SLCO1C1: variants seen among roughly 807,000 people sequenced by gnomAD.
SLCO1C1 encodes solute carrier organic anion transporter family member 1C1.
In SLCO1C1, 70 loss-of-function variants were observed where a neutral mutation model predicts 76.4. The ratio of observed to expected loss-of-function variants is 0.92; its 90% CI spans 0.76 to 1.12. The LOEUF is 1.12. Among genes scored for constraint, SLCO1C1 ranks in the 50% most tolerant of loss-of-function variants. SLCO1C1 has a pLI of 0.00. For synonymous variants in SLCO1C1, 306 were observed against 286.1 expected, an observed-to-expected ratio of 1.07 and a Z score of -0.70; for missense variants, 912 against 823.8, an observed-to-expected ratio of 1.11 and a Z score of -1.31.
chr12:20,747,428 C>CA (rs200437209), intron 13 of SLCO1C1, among the ~76,000 whole-genome samples: 1,378 of 113,522 alleles, frequency 0.012, 27 homozygotes, highest in African/African-American at 0.033. Context: ...GACTCTGTCT[C>CA]AAAAAAAAAT....
intron 5 of SLCO1C1, among the ~76,000 whole-genome samples, chr12:20,714,095 C>T (rs12818243): frequency 0.089 from 13,597 of 152,224 alleles, 796 homozygotes; most frequent in Non-Finnish European, 0.13. Flanking sequence ...ATAGAATCCA[C>T]GTGAGTGCAA....
chr12:20,734,834 T>A (rs1049589624), intron 10 of SLCO1C1, among the ~76,000 whole-genome samples: 1 of 152,218 alleles, frequency 6.6e-6, no homozygotes, highest in African/African-American at 2.4e-5. Context: ...ATTGCAGTAA[T>A]GCTACTGTTG....
intron 4 of SLCO1C1, among the ~76,000 whole-genome samples, chr12:20,706,475 G>A (rs897495779): frequency 6.6e-6 from 1 of 152,088 alleles, no homozygotes; most frequent in East Asian, 1.9e-4. Context: ...AATTAACTCA[G>A]GGATATATTA....
chr12:20,699,468 G>T, intron 1 of SLCO1C1, 84 bp from the exon 2 acceptor site: 1 of 1,119,170 alleles, frequency 8.9e-7, no homozygotes. Flanking sequence ...TGCGTCTATA[G>T]AATTGTGGTA....
intron 6 of SLCO1C1, among the ~76,000 whole-genome samples, chr12:20,716,588 A>C (rs1288465596): frequency 2.0e-5 from 3 of 152,210 alleles, no homozygotes; most frequent in Non-Finnish European, 2.9e-5. Flanking sequence ...CTGAATGGTC[A>C]AGAGGGTTCC....
At chr12:20,711,769 T>C (rs1188567712) in intron 5 of SLCO1C1, among the ~76,000 whole-genome samples, 2 of 152,178 alleles carry the variant, frequency 1.3e-5, no homozygotes, top group African/African-American at 4.8e-5. Flanking sequence ...AGCTTCTGAA[T>C]AAGTGGGTTT....
At chr12:20,716,949 CCAAAG>C (rs1947389801) in intron 6 of SLCO1C1, among the ~76,000 whole-genome samples, 178 bp from the exon 7 acceptor site, 1 of 151,908 alleles carries the variant, frequency 6.6e-6, no homozygotes, top group South Asian at 2.1e-4. Context: ...CATTTTTCTC[CCAAAG>C]CAGTGAAGGA....
At position 20,721,853 on chromosome 12, in the gene SLCO1C1, G is replaced by A; in HGVS notation, c.825G>A (p.Trp275Ter). The A allele has an allele frequency of 6.2e-7, 1 of 1,614,158 alleles. No individual in the cohort carries two copies. The highest frequency in any genetic ancestry group is 8.5e-7 in the Non-Finnish European group (1 of 1,180,014). The change falls in exon 8 of 15, where the codon TGG (tryptophan) becomes TGA (stop). Residue 275 changes from tryptophan to a stop codon, truncating the protein, a stop_gained. Transcript: ENST00000266509. LOFTEE classifies it high-confidence loss of function. ...PKDPQWVGAW[W>*]LGYLIAGIIS... The stretch of plus-strand genomic sequence containing the variant: ...ATCCCCAGTGGGTAGGAGCCTGGTG[G>A]CTTGGCTATCTAATAGCAGGAATCA...
intron 9 of SLCO1C1, among the ~76,000 whole-genome samples, chr12:20,724,765 G>A (rs111457386): frequency 1.9e-4 from 28 of 147,040 alleles, no homozygotes; most frequent in African/African-American, 6.7e-4. Context: ...ATAAACCACA[G>A]TTTATTCATT....
intron 9 of SLCO1C1, among the ~76,000 whole-genome samples, 176 bp from the exon 10 acceptor site, chr12:20,732,733 G>A (rs966185166): frequency 6.6e-6 from 1 of 151,998 alleles, no homozygotes. Context: ...CTGTGCAGTT[G>A]TACCACCATT....
At position 20,695,787 on chromosome 12, in the gene SLCO1C1, A is replaced by G. The variant is rs1946239831; in HGVS notation, c.-46A>G. On this transcript the variant is annotated 5_prime_UTR_variant, in exon 1 of 15. Coordinates refer to ENST00000266509, the MANE Select transcript of SLCO1C1 (RefSeq NM_017435.5). ...CTGAGCACATTGAAAGGAACTGGCT[A>G]TCTTTGATCTCTTCCTCCAGGTAAG... 6.6e-6 allele frequency: 1 copy of G among 152,112 alleles called. No individual in the cohort carries two copies. Among genetic ancestry groups the G allele is most frequent in the Non-Finnish European group, 1.5e-5 (1 of 68,014 alleles). The allele number at this position is 152,112 out of a possible 1,614,324, so 9.4% of individuals were successfully genotyped here. A position where few individuals can be genotyped will look rare whatever the true frequency, so the allele number is the denominator to read the frequency against.
chr12:20,699,794 T>C lies in SLCO1C1; in HGVS notation c.129+89T>C, dbSNP rs972241521. On this transcript the variant is annotated intron_variant, in intron 2 of 14. Transcript: ENST00000266509. ...TAATGAAGTTAGAATGAGAATTGTT[T>C]TCTCCTTTAAAAAAAAAAAAAGATC... 1.8e-5 allele frequency: 25 copies of C among 1,368,760 alleles called. No homozygotes were observed. In the African/African-American group the frequency reaches 3.7e-4, roughly 20 times the overall value. 84.8% of individuals were successfully genotyped at this position (1,368,760 alleles called of 1,614,324 possible). A position where few individuals can be genotyped will look rare whatever the true frequency, so the allele number is the denominator to read the frequency against.
rs1948584862 is a variant in SLCO1C1 at position 20,737,124 on chromosome 12, A to G, written c.1400A>G (p.Tyr467Cys). Reference sequence around the variant, plus strand: ...CTTTTCAGAACCAAACCTGTCTCTTATCATGAACGAGCTCTCTTTTCAGAT... The same window carrying G: ...CTTTTCAGAACCAAACCTGTCTCTTGTCATGAACGAGCTCTCTTTTCAGAT... Reference protein sequence around the residue: ...VSYQGTKPVSYHERALFSDCN... With the variant: ...VSYQGTKPVSCHERALFSDCN... The change falls in exon 11 of 15, where the codon TAT (tyrosine) becomes TGT (cysteine). Residue 467 changes from tyrosine (Y) to cysteine (C), a missense_variant. Tyr to Cys is a radical substitution (Grantham distance 194). Transcript: ENST00000266509. 6.5e-7 allele frequency: 1 copy of G among 1,533,490 alleles called. No homozygotes were observed. The highest frequency in any genetic ancestry group is 1.4e-5 in the African/African-American group (1 of 69,720). The allele number at this position is 1,533,490 out of a possible 1,614,324, so 95.0% of individuals were successfully genotyped here.
chr12:20,724,553 T>C (rs183702942), intron 9 of SLCO1C1, among the ~76,000 whole-genome samples: 245 of 147,526 alleles, frequency 1.7e-3, no homozygotes, highest in African/African-American at 5.9e-3. Context: ...TCAAAACTTT[T>C]CCCCAAAGCT....
At chr12:20,709,165 T>C (rs1019873117) in intron 4 of SLCO1C1, among the ~76,000 whole-genome samples, 1 of 152,206 alleles carries the variant, frequency 6.6e-6, no homozygotes. Flanking sequence ...TTAAAACCCC[T>C]AATATAAAAG....
chr12:20,737,363 T>C, intron 11 of SLCO1C1, 91 bp downstream of exon 11: 1 of 1,336,494 alleles, frequency 7.5e-7, no homozygotes. Context: ...CCACTACTAG[T>C]AGGAGGCTTG....
At chr12:20,715,780 A>C (rs888378437) in intron 6 of SLCO1C1, among the ~76,000 whole-genome samples, 3 of 152,214 alleles carry the variant, frequency 2.0e-5, no homozygotes, top group African/African-American at 7.2e-5. Flanking sequence ...ATGGATAAAG[A>C]AAAGTATATA....
At chr12:20,734,343 G>T (rs548407624) in intron 10 of SLCO1C1, among the ~76,000 whole-genome samples, 1 of 152,284 alleles carries the variant, frequency 6.6e-6, no homozygotes, top group African/African-American at 2.4e-5. Flanking sequence ...TGAGTGTAGT[G>T]CTGCCTTAGT....
intron 7 of SLCO1C1, among the ~76,000 whole-genome samples, chr12:20,719,826 G>A (rs902806609): frequency 2.6e-5 from 4 of 152,200 alleles, no homozygotes; most frequent in Non-Finnish European, 4.4e-5. Flanking sequence ...TGGAGAAGCT[G>A]CAGAAAGTTA....
Sources: gnomAD v4.1 joint callset for allele counts (sites outside exome capture counted in the v4.1 genomes callset) on GRCh38, gnomAD v4.1.1 for gene constraint, MANE v1.5 for transcripts, NCBI Gene and HGNC (gene_info 2026-07-23, HGNC 2026-07-21) for gene names.